Variants in PICK1 observed in about 807,000 individuals in gnomAD.
The protein encoded by PICK1 is PRKCA-binding protein.
PICK1 carries 23 observed loss-of-function variants against 48.9 expected under a neutral mutation model. That is an observed-to-expected ratio of 0.47 (90% CI 0.34 to 0.67). The LOEUF is 0.67. Ranked by LOEUF, PICK1 falls within the 30% of genes least tolerant of loss-of-function variation. PICK1 has a pLI of 0.01. For synonymous variants in PICK1, 217 were observed against 228.2 expected (o/e 0.95, Z 0.44); for missense variants, 423 against 557.1 (o/e 0.76, Z 2.42).
chr22:38,070,357 C>A (rs968999567), intron 6 of PICK1, among the ~76,000 whole-genome samples: 2 of 152,258 alleles, frequency 1.3e-5, no homozygotes, highest in African/African-American at 4.8e-5. Context: ...GGCTGGCACA[C>A]AGTGGGTGCT....
rs77897052 is a variant in PICK1 at position 38,061,541 on chromosome 22, A to C, written c.153+2196A>C. On this transcript the variant is annotated intron_variant, in intron 3 of 12. Transcript: ENST00000356976. Reference sequence around the variant, plus strand: ...TCATGCATGGGCTTCCATTTTTCTCAATAGTCTCACTCTGTCGCCCAGGCT... The same window carrying C: ...TCATGCATGGGCTTCCATTTTTCTCCATAGTCTCACTCTGTCGCCCAGGCT... Among the ~76,000 whole-genome samples, 667 of 151,984 alleles carry C rather than the reference A, an allele frequency of 4.4e-3. 11 individuals carry two copies. Among genetic ancestry groups the C allele is most frequent in the African/African-American group, 0.015 (636 of 41,460 alleles).
At chr22:38,070,977 A>C in intron 7 of PICK1, 86 bp downstream of exon 7, 1 of 1,007,736 alleles carries the variant, frequency 9.9e-7, no homozygotes, top group Non-Finnish European at 1.6e-6. Flanking sequence ...TGCTGGCACT[A>C]GGAATGCCAG....
intron 6 of PICK1, among the ~76,000 whole-genome samples, chr22:38,069,767 G>A (rs1188936835): frequency 6.6e-6 from 1 of 152,210 alleles, no homozygotes; most frequent in African/African-American, 2.4e-5. Flanking sequence ...GTTCCAAATG[G>A]TGTACAAAAG....
At chr22:38,060,874 G>A (rs1482937254) in intron 3 of PICK1, among the ~76,000 whole-genome samples, 4 of 151,166 alleles carry the variant, frequency 2.6e-5, no homozygotes, top group South Asian at 2.1e-4. Flanking sequence ...TCAGCCTCCC[G>A]AGTAGCTGGT....
At chr22:38,059,201 A>G (rs1478855071) in intron 2 of PICK1, 33 bp from the exon 3 acceptor site, 2 of 1,483,174 alleles carry the variant, frequency 1.3e-6, no homozygotes, top group East Asian at 2.5e-5. Context: ...TCCTTCTGCC[A>G]GGAGAGTCAG....
chr22:38,061,810 C>T (rs1443691006), intron 3 of PICK1, among the ~76,000 whole-genome samples: 7 of 152,194 alleles, frequency 4.6e-5, no homozygotes, highest in African/African-American at 1.2e-4. Context: ...CGTGAGCCAC[C>T]GTGCTCAGCC....
chr22:38,069,157 A>T (rs373730309), intron 6 of PICK1, 35 bp downstream of exon 6: 28 of 1,488,602 alleles, frequency 1.9e-5, no homozygotes, highest in Non-Finnish European at 2.4e-5. Flanking sequence ...GGCCCCGGGG[A>T]CTCAAGCCCA....
At chr22:38,061,367 T>C (rs182542802) in intron 3 of PICK1, among the ~76,000 whole-genome samples, 1 of 152,064 alleles carries the variant, frequency 6.6e-6, no homozygotes, top group African/African-American at 2.4e-5. Flanking sequence ...ATCATCATCA[T>C]AGAATTGATT....
chr22:38,069,299 G>T (rs1003510942), intron 6 of PICK1, among the ~76,000 whole-genome samples, 177 bp downstream of exon 6: 3 of 152,206 alleles, frequency 2.0e-5, no homozygotes, highest in African/African-American at 7.2e-5. Flanking sequence ...CCAGCTCCCG[G>T]AGGGTCCACA....
chr22:38,064,973 C>T lies in PICK1; in HGVS notation c.154-29C>T, dbSNP rs371875067. 3.1e-6 allele frequency: 5 copies of T among 1,612,980 alleles called. No homozygotes were observed. The African/African-American group carries it at 5.3e-5, about 17-fold the overall frequency. On this transcript the variant is annotated intron_variant, in intron 3 of 12. Coordinates refer to ENST00000356976, the MANE Select transcript of PICK1 (RefSeq NM_012407.4). Reference sequence around the variant, plus strand: ...GTTCCATCTTAGCCCTCCCTTTCTTCCCCCACCACTCTCCTTATGCACCCA... The same window carrying T: ...GTTCCATCTTAGCCCTCCCTTTCTTTCCCCACCACTCTCCTTATGCACCCA...
At chr22:38,060,219 CAA>C (rs1303376440) in intron 3 of PICK1, among the ~76,000 whole-genome samples, 1 of 151,658 alleles carries the variant, frequency 6.6e-6, no homozygotes, top group Non-Finnish European at 1.5e-5. Context: ...GACCCTGTTT[CAA>C]AAAAAAGAAA....
intron 6 of PICK1, among the ~76,000 whole-genome samples, chr22:38,069,358 A>C (rs1194421254): frequency 6.6e-6 from 1 of 152,128 alleles, no homozygotes; most frequent in African/African-American, 2.4e-5. Context: ...CACAGATGGG[A>C]AAATAGACTT....
At chr22:38,071,589 C>T (rs879344887) in intron 7 of PICK1, 93 bp from the exon 8 acceptor site, 61 of 1,096,748 alleles carry the variant, frequency 5.6e-5, no homozygotes, top group Non-Finnish European at 8.3e-5. Context: ...CTAGCAGAGG[C>T]CTTGGGTGGC....
chr22:38,058,835 T>C (rs2085332592), intron 2 of PICK1, among the ~76,000 whole-genome samples: 2 of 151,936 alleles, frequency 1.3e-5, no homozygotes, highest in African/African-American at 4.8e-5. Context: ...TGAAACCCCG[T>C]CTCTACTAAA....
Position 38,057,583 on chromosome 22 carries a change from A to G in PICK1, c.-62A>G. On this transcript the variant is annotated 5_prime_UTR_variant, in exon 1 of 13. Transcript: ENST00000356976. ...GCCCTGGCCTGGAGCCCCCCTTTGT[A>G]CCTAGTAAGAATCACCTACCCAGCC... is the stretch of plus-strand genomic sequence containing the variant. 1.7e-6 allele frequency: 1 copy of G among 594,068 alleles called. No homozygotes were observed. The highest frequency in any genetic ancestry group is 3.0e-6 in the Non-Finnish European group (1 of 331,876). The allele number at this position is 594,068 out of a possible 1,614,324, so 36.8% of individuals were successfully genotyped here.
chr22:38,066,885 A>C lies in PICK1; in HGVS notation c.283-819A>C, dbSNP rs2085537681. On this transcript the variant is annotated intron_variant, in intron 4 of 12. Transcript: ENST00000356976. This position sits in a 1 kb window ranked among gnomAD's most constrained non-coding sequence, Gnocchi z 4.1. ...AGCCTTTGTCTCCTGAGCAGTCGTT[A>C]GAAAGTGGTTTGTGTAATTCCCTGA... Among the ~76,000 whole-genome samples the C allele has an allele frequency of 6.6e-6, 1 of 152,208 alleles. No individual in the cohort carries two copies.
chr22:38,070,620 T>G (rs558196351), intron 6 of PICK1, among the ~76,000 whole-genome samples: 1 of 152,270 alleles, frequency 6.6e-6, no homozygotes, highest in East Asian at 1.9e-4. Flanking sequence ...CTTTGCCTGC[T>G]AGGCACGGAC....
intron 9 of PICK1, among the ~76,000 whole-genome samples, 189 bp from the exon 10 acceptor site, chr22:38,072,811 G>A (rs995844726): frequency 2.0e-5 from 3 of 152,082 alleles, no homozygotes; most frequent in Admixed American, 6.6e-5. Context: ...ACCCTGGCTC[G>A]CCACTGAGTC....
At chr22:38,057,401 C>T (rs1431943060), upstream of PICK1, 2 of 227,152 alleles carry the variant, frequency 8.8e-6, no homozygotes, top group Non-Finnish European at 1.8e-5. Context: ...CCGGAAGTGA[C>T]GTGACAATCG....
Sources: allele counts gnomAD v4.1 joint callset (sites outside exome capture counted in the v4.1 genomes callset), GRCh38; gene constraint gnomAD v4.1.1; non-coding constraint Gnocchi (gnomAD v3.1); transcripts MANE v1.5; gene names NCBI Gene and HGNC (gene_info 2026-07-23, HGNC 2026-07-21).